The following ADAM22 variants were observed in gnomAD, a reference collection of about 807,000 sequenced individuals.
The protein encoded by ADAM22 is ADAM metallopeptidase domain 22.
Under a neutral mutation model 144.6 loss-of-function variants are expected in ADAM22, and 65 were observed. The ratio of observed to expected loss-of-function variants is 0.45; its 90% CI spans 0.37 to 0.55. ADAM22 has a LOEUF of 0.55. Ranked by LOEUF, ADAM22 falls within the 20% of genes least tolerant of loss-of-function variation. ADAM22 has a pLI of 0.00. For missense variants in ADAM22, 974 were observed against 1,184.9 expected, an observed-to-expected ratio of 0.82 and a Z score of 2.61; for synonymous variants, 391 against 412.6, an observed-to-expected ratio of 0.95 and a Z score of 0.63.
chr7:88,019,527 T>C (rs1173173139), intron 3 of ADAM22, among the ~76,000 whole-genome samples: 1 of 151,898 alleles, frequency 6.6e-6, no homozygotes, highest in Non-Finnish European at 1.5e-5. Flanking sequence ...CTTTGAAATT[T>C]ATAATGGTAT....
At chr7:88,158,021 T>C (rs1262905997) in intron 22 of ADAM22, among the ~76,000 whole-genome samples, 1 of 152,044 alleles carries the variant, frequency 6.6e-6, no homozygotes, top group Non-Finnish European at 1.5e-5. Flanking sequence ...TCATATGCAG[T>C]GACATCTATA....
In ADAM22 at chr7:88,201,450, TC is replaced by T. The variant is rs1851196294; in HGVS notation, c.*4961del. 1 of 152,236 alleles carries T rather than the reference TC, an allele frequency of 6.6e-6. No homozygotes were observed. The highest frequency in any genetic ancestry group is 2.4e-5 in the African/African-American group (1 of 41,430). 9.4% of individuals were successfully genotyped at this position (152,236 alleles called of 1,614,324 possible). A position where few individuals can be genotyped will look rare whatever the true frequency, so the allele number is the denominator to read the frequency against. On this transcript the variant is annotated 3_prime_UTR_variant, in exon 32 of 32. Coordinates refer to ENST00000413139, the MANE Select transcript of ADAM22 (RefSeq NM_001324418.2). The stretch of plus-strand genomic sequence containing the variant: ...ACAGAATGGATATTCACAGGAAGAT[TC>T]CTGAGGCCAGATATGCAGGAGAGCA...
chr7:88,049,870 T>C (rs561139510), intron 3 of ADAM22, among the ~76,000 whole-genome samples: 1 of 152,086 alleles, frequency 6.6e-6, no homozygotes, highest in South Asian at 2.1e-4. Context: ...AATATATTAT[T>C]TTATATAAAA....
intron 3 of ADAM22, among the ~76,000 whole-genome samples, chr7:88,032,896 T>C (rs1800638957): frequency 6.6e-6 from 1 of 152,148 alleles, no homozygotes; most frequent in Non-Finnish European, 1.5e-5. Flanking sequence ...TTATTTCTCT[T>C]TTGCTTTTCA....
chr7:88,083,914 A>G (rs1262308630), intron 4 of ADAM22, among the ~76,000 whole-genome samples: 5 of 148,340 alleles, frequency 3.4e-5, no homozygotes, highest in East Asian at 3.9e-4. Context: ...TATAGTTGGG[A>G]AAAAAAAATT....
At chr7:87,948,198 G>A (rs910666259) in intron 2 of ADAM22, among the ~76,000 whole-genome samples, 7 of 151,934 alleles carry the variant, frequency 4.6e-5, no homozygotes, top group African/African-American at 9.7e-5. Context: ...TCTGCCAAGC[G>A]TCTCTTTCTC....
At chr7:87,982,839 GCAC>G (rs1008351833) in intron 3 of ADAM22, among the ~76,000 whole-genome samples, 7 of 150,170 alleles carry the variant, frequency 4.7e-5, no homozygotes, top group African/African-American at 1.7e-4. Context: ...GAATTACAGT[GCAC>G]CACAACACCC....
intron 14 of ADAM22, among the ~76,000 whole-genome samples, chr7:88,136,837 T>C (rs867025569): frequency 6.6e-6 from 1 of 152,036 alleles, no homozygotes; most frequent in South Asian, 2.1e-4. Context: ...ATTTGGAATG[T>C]TATTAAAATA....
chr7:88,150,290 G>C (rs528947662), intron 18 of ADAM22, among the ~76,000 whole-genome samples: 2 of 152,154 alleles, frequency 1.3e-5, no homozygotes, highest in Non-Finnish European at 2.9e-5. Context: ...CTGTTGGCCA[G>C]TTTCCTCTCT....
Position 88,165,907 on chromosome 7 carries a change from A to G in ADAM22, c.2152A>G (p.Asn718Asp). 6.2e-7 allele frequency: 1 copy of G among 1,611,872 alleles called. No individual in the cohort carries two copies. Among genetic ancestry groups the G allele is most frequent in the Non-Finnish European group, 8.5e-7 (1 of 1,178,908 alleles). Reference protein sequence around the residue: ...GSDCNTYFPHNDDAKTGITLS... With the variant: ...GSDCNTYFPHDDDAKTGITLS... ...TGATTGCAACACTTACTTCCCTCAC[A>G]ATGATGATGCAAAGACTGGTATCAC... The change falls in exon 24 of 32, where the codon AAT becomes GAT. Residue 718 changes from asparagine to aspartate, a missense_variant. Asn to Asp is a conservative substitution (Grantham distance 23). Around this residue, in one of 2 missense-constraint regions of ADAM22, gnomAD observed 734 missense variants for 950.6 expected, o/e 0.77. Transcript: ENST00000413139.
At position 88,016,409 on chromosome 7, in the gene ADAM22, C is replaced by T. The variant is rs553762335; in HGVS notation, c.323+37997C>T. ...TGTCCCTAGAGACTGAAATCTGAGT[C>T]CTAGATGTGCTTAGTGCTATTGAGT... On this transcript the variant is annotated intron_variant, in intron 3 of 31. Coordinates refer to ENST00000413139, the MANE Select transcript of ADAM22 (RefSeq NM_001324418.2). Among the ~76,000 whole-genome samples, 7 of 152,224 alleles carry T rather than the reference C, an allele frequency of 4.6e-5. No individual in the cohort carries two copies. The South Asian group carries it at 1.5e-3, about 32-fold the overall frequency.
chr7:88,106,453 A>C (rs1225583503), intron 4 of ADAM22, among the ~76,000 whole-genome samples: 1 of 152,166 alleles, frequency 6.6e-6, no homozygotes, highest in Non-Finnish European at 1.5e-5. Context: ...TCAGTCTGTT[A>C]CATCTCCATG....
At chr7:88,004,143 A>G (rs1190285830) in intron 3 of ADAM22, among the ~76,000 whole-genome samples, 2 of 152,198 alleles carry the variant, frequency 1.3e-5, no homozygotes, top group African/African-American at 4.8e-5. Flanking sequence ...TGCCTGCACT[A>G]AGAGGCTTCT....
intron 3 of ADAM22, among the ~76,000 whole-genome samples, chr7:88,044,682 A>T (rs138022635): frequency 0.022 from 3,315 of 151,662 alleles, 62 homozygotes; most frequent in Non-Finnish European, 0.032. Flanking sequence ...TCCTGACCTC[A>T]TGATCCACCC....
chr7:87,972,664 C>T (rs1293206135), intron 2 of ADAM22, among the ~76,000 whole-genome samples: 1 of 152,168 alleles, frequency 6.6e-6, no homozygotes, highest in Non-Finnish European at 1.5e-5. Flanking sequence ...AGAGGCATCA[C>T]GCTACCTGAC....
chr7:88,085,098 G>T (rs906071211), intron 4 of ADAM22, among the ~76,000 whole-genome samples: 4 of 152,120 alleles, frequency 2.6e-5, no homozygotes, highest in African/African-American at 9.7e-5. Context: ...GAGGTATTAG[G>T]GGTTAGGACT....
chr7:88,027,862 G>A (rs1485407059), intron 3 of ADAM22, among the ~76,000 whole-genome samples: 3 of 150,974 alleles, frequency 2.0e-5, no homozygotes, highest in African/African-American at 7.3e-5. Context: ...CATTATCTTG[G>A]CTCACTGCAA....
chr7:88,117,110 CTT>C (rs1303129515), intron 7 of ADAM22, among the ~76,000 whole-genome samples: 1 of 152,208 alleles, frequency 6.6e-6, no homozygotes. Context: ...CAAATTCACT[CTT>C]TGTGAAATAC....
chr7:88,142,555 T>C (rs1355988496), intron 14 of ADAM22, among the ~76,000 whole-genome samples: 11 of 152,086 alleles, frequency 7.2e-5, no homozygotes, highest in Non-Finnish European at 1.6e-4. Flanking sequence ...ATAATATTGA[T>C]TGGCCGGGCG....
Sources: allele counts gnomAD v4.1 joint callset (sites outside exome capture counted in the v4.1 genomes callset), GRCh38; gene constraint gnomAD v4.1.1; regional missense constraint gnomAD v4.1.1; transcripts MANE v1.5; gene names NCBI Gene and HGNC (gene_info 2026-07-23, HGNC 2026-07-21).